The following ZSWIM4 variants were observed in gnomAD, a reference collection of about 807,000 sequenced individuals.
ZSWIM4 encodes the protein zinc finger SWIM domain-containing protein 4.
A neutral mutation model predicts 102.5 loss-of-function variants in ZSWIM4; 62 were observed. The observed-to-expected ratio is 0.60, with a 90% CI of 0.49 to 0.75. ZSWIM4 has a LOEUF of 0.75. Among genes scored for constraint, ZSWIM4 ranks in the 30% least tolerant of loss-of-function variants. ZSWIM4 has a pLI of 0.00. For synonymous variants in ZSWIM4, 652 were observed against 674.5 expected (o/e 0.97, Z 0.52); for missense variants, 1,280 against 1,529.6 (o/e 0.84, Z 2.72).
chr19:13,795,845 C>A, intron 1 of ZSWIM4, 44 bp downstream of exon 1: 1 of 1,159,524 alleles, frequency 8.6e-7, no homozygotes, highest in Non-Finnish European at 1.1e-6. Context: ...GCACCCCCAG[C>A]ACCTTCCCCA....
At chr19:13,817,112 C>T (rs1260526491) in intron 7 of ZSWIM4, 104 bp from the exon 8 acceptor site, 4 of 1,442,320 alleles carry the variant, frequency 2.8e-6, no homozygotes, top group Non-Finnish European at 3.7e-6. Context: ...AGGTGGTGGG[C>T]ATTATGGGGC....
chr19:13,812,265 C>T (rs2076002311), intron 5 of ZSWIM4, among the ~76,000 whole-genome samples: 1 of 151,852 alleles, frequency 6.6e-6, no homozygotes, highest in African/African-American at 2.4e-5. Context: ...AGTCTGGAGG[C>T]CTGGTTTTTT....
chr19:13,817,067 CA>C (rs111443176), intron 7 of ZSWIM4, 148 bp from the exon 8 acceptor site: 8,231 of 946,688 alleles, frequency 8.7e-3, no homozygotes, highest in South Asian at 0.014. Context: ...GACCCCACCT[CA>C]AAAAAAAAAG....
At position 13,829,296 on chromosome 19, in the gene ZSWIM4, CAAAA is replaced by C. The variant is rs555371562; in HGVS notation, c.2461+572_2461+575del. 5.4e-3 allele frequency among the ~76,000 whole-genome samples: 812 copies of C among 151,046 alleles called. 1 individual carries two copies. Among genetic ancestry groups the C allele is most frequent in the Non-Finnish European group, 8.1e-3 (547 of 67,662 alleles). On this transcript the variant is annotated intron_variant, in intron 13 of 13. Transcript: ENST00000590508. ...ACCCTGTCTCTAAAAAATTGTTTAA[CAAAA>C]AGAAAGAGGGCCAGGCGCAGTGGCT...
In ZSWIM4 at chr19:13,795,686, C is replaced by T. The variant is rs1974590342; in HGVS notation, c.38C>T (p.Pro13Leu). Residue 13 changes from proline (P) to leucine (L), a missense_variant, in exon 1 of 14, where the codon CCC becomes CTC. Coordinates refer to ENST00000590508, the MANE Select transcript of ZSWIM4 (RefSeq NM_001367834.3). Reference protein sequence around the residue: ...PPAAKRSRGCPAGPEERDAGA... With the variant: ...PPAAKRSRGCLAGPEERDAGA... Reference sequence around the variant, plus strand: ...GCGGCCAAGCGGAGCCGGGGCTGCCCCGCGGGACCCGAGGAGCGCGATGCC... The same window carrying T: ...GCGGCCAAGCGGAGCCGGGGCTGCCTCGCGGGACCCGAGGAGCGCGATGCC... The T allele has an allele frequency of 9.2e-7, 1 of 1,088,874 alleles. No individual in the cohort carries two copies. Among genetic ancestry groups the T allele is most frequent in the African/African-American group, 1.6e-5 (1 of 60,814 alleles). The allele number at this position is 1,088,874 out of a possible 1,614,324, so 67.5% of individuals were successfully genotyped here.
In ZSWIM4 at chr19:13,805,078, G is replaced by C. The variant is rs577485988; in HGVS notation, c.642G>C (p.Glu214Asp). The C allele has an allele frequency of 2.9e-5, 47 of 1,607,416 alleles. 1 individual carries two copies. The African/African-American group carries it at 4.7e-4, about 16-fold the overall frequency. ...ACCTCATCAGCGCCCATCACACTGA[G>C]GTGCTGCCCACTGCTCAGCGCTTGG... Reference protein sequence around the residue: ...VQYLISAHHTEVLPTAQRLAD... With the variant: ...VQYLISAHHTDVLPTAQRLAD... Residue 214 changes from glutamate to aspartate, a missense_variant, in exon 3 of 14, where the codon GAG becomes GAC. Coordinates refer to ENST00000590508, the MANE Select transcript of ZSWIM4 (RefSeq NM_001367834.3).
Position 13,819,488 on chromosome 19 carries a change from A to T in ZSWIM4, c.2056A>T (p.Met686Leu). The T allele has an allele frequency of 6.5e-7, 1 of 1,527,078 alleles. No individual in the cohort carries two copies. Among genetic ancestry groups the T allele is most frequent in the Non-Finnish European group, 8.9e-7 (1 of 1,129,154 alleles). 94.6% of individuals were successfully genotyped at this position (1,527,078 alleles called of 1,614,324 possible). The change falls in exon 10 of 14, where the codon ATG becomes TTG. Residue 686 changes from methionine to leucine, a missense_variant. Coordinates refer to ENST00000590508, the MANE Select transcript of ZSWIM4 (RefSeq NM_001367834.3). Reference sequence around the variant, plus strand: ...GGCCTATCGCCTCGCGCTGCGAGCTATGAGGTGAGGATAGGTGGCCAAGGC... The same window carrying T: ...GGCCTATCGCCTCGCGCTGCGAGCTTTGAGGTGAGGATAGGTGGCCAAGGC... ...DLAYRLALRA[M>L]RLPILETAFP...
intron 11 of ZSWIM4, among the ~76,000 whole-genome samples, chr19:13,824,641 A>G (rs1975556121): frequency 6.6e-6 from 1 of 152,012 alleles, no homozygotes. Flanking sequence ...CTGAGGCAGG[A>G]GAATCACTTG....
intron 7 of ZSWIM4, among the ~76,000 whole-genome samples, chr19:13,816,920 G>A (rs1975304522): frequency 6.6e-6 from 1 of 152,176 alleles, no homozygotes; most frequent in Non-Finnish European, 1.5e-5. Flanking sequence ...GGGTGTTTTA[G>A]AAAGCGTCCA....
chr19:13,810,018 G>A (rs1420605314), intron 5 of ZSWIM4, among the ~76,000 whole-genome samples: 1 of 148,944 alleles, frequency 6.7e-6, no homozygotes, highest in African/African-American at 2.5e-5. Context: ...AAGGAGTCTC[G>A]CTCTGTCATC....
At chr19:13,796,352 C>T (rs775009683) in intron 1 of ZSWIM4, among the ~76,000 whole-genome samples, 2 of 152,134 alleles carry the variant, frequency 1.3e-5, no homozygotes, top group Non-Finnish European at 2.9e-5. Context: ...ACTCACACTA[C>T]CCCATTCCTG....
rs755042429 is a variant in ZSWIM4 at position 13,795,812 on chromosome 19, G to T, written c.153+11G>T. The T allele has an allele frequency of 8.0e-7, 1 of 1,246,108 alleles. No individual in the cohort carries two copies. Among genetic ancestry groups the T allele is most frequent in the East Asian group, 3.0e-5 (1 of 33,336 alleles). The allele number at this position is 1,246,108 out of a possible 1,614,324, so 77.2% of individuals were successfully genotyped here. ...TGGGCCTTCGAGCAGGTGACCGCGG[G>T]GGAAGGGGGCGGGGGCAGGGACGCA... On this transcript the variant is annotated intron_variant, in intron 1 of 13. Coordinates refer to ENST00000590508, the MANE Select transcript of ZSWIM4 (RefSeq NM_001367834.3).
chr19:13,801,058 G>T (rs2594719), intron 2 of ZSWIM4, among the ~76,000 whole-genome samples: 4 of 151,650 alleles, frequency 2.6e-5, no homozygotes, highest in Non-Finnish European at 5.9e-5. Flanking sequence ...CAGGAGGATC[G>T]CTTTTGCCCG....
intron 3 of ZSWIM4, among the ~76,000 whole-genome samples, chr19:13,805,846 C>T (rs1210711273): frequency 6.6e-6 from 1 of 151,404 alleles, no homozygotes; most frequent in African/African-American, 2.4e-5. Flanking sequence ...TGGTGGGTGC[C>T]TGTAGTCCCA....
At position 13,804,010 on chromosome 19, in the gene ZSWIM4, C is replaced by T. The variant is rs550445963; in HGVS notation, c.356-782C>T. Among the ~76,000 whole-genome samples, 24 of 149,698 alleles carry T rather than the reference C, an allele frequency of 1.6e-4. 1 individual carries two copies. Among genetic ancestry groups the T allele is most frequent in the South Asian group, 1.1e-3 (5 of 4,648 alleles). On this transcript the variant is annotated intron_variant, in intron 2 of 13. Coordinates refer to ENST00000590508, the MANE Select transcript of ZSWIM4 (RefSeq NM_001367834.3). ...CTGAGTAGCTGGGATTACAGGCGCC[C>T]GCCACCATGCCCGGCTAATTTTTTT...
intron 10 of ZSWIM4, among the ~76,000 whole-genome samples, chr19:13,821,298 A>AT (rs1260053302): frequency 6.6e-6 from 1 of 151,170 alleles, no homozygotes; most frequent in Non-Finnish European, 1.5e-5. Context: ...AAAAAAAAAA[A>AT]GGCCAACTCA....
chr19:13,820,010 C>T (rs1012741207), intron 10 of ZSWIM4, among the ~76,000 whole-genome samples: 1 of 152,060 alleles, frequency 6.6e-6, no homozygotes, highest in Non-Finnish European at 1.5e-5. Flanking sequence ...CGCCCGCCAC[C>T]ACGCCCGGCT....
rs1209479599 is a variant in ZSWIM4, at chr19:13,809,405, C to T, written c.1012+185C>T. 2.0e-5 allele frequency among the ~76,000 whole-genome samples: 3 copies of T among 152,268 alleles called. No homozygotes were observed. Among genetic ancestry groups the T allele is most frequent in the African/African-American group, 7.2e-5 (3 of 41,472 alleles). ...GTGGTCCGGCAGAGAACAAGAGAGT[C>T]AAAATCCTGTTCACGTGGATCTGAC... On this transcript the variant is annotated intron_variant, in intron 5 of 13. Transcript: ENST00000590508. This position sits in a 1 kb window ranked among gnomAD's most constrained non-coding sequence, Gnocchi z 4.2.
intron 9 of ZSWIM4, among the ~76,000 whole-genome samples, chr19:13,818,729 G>A (rs531852976): frequency 1.0e-4 from 15 of 148,714 alleles, no homozygotes; most frequent in Admixed American, 2.0e-4. Context: ...ACACCCGGCT[G>A]ATTTTTGTAT....
Sources: gnomAD v4.1 joint callset for allele counts (sites outside exome capture counted in the v4.1 genomes callset) on GRCh38, gnomAD v4.1.1 for gene constraint, Gnocchi (gnomAD v3.1) non-coding constraint, MANE v1.5 for transcripts, NCBI Gene and HGNC (gene_info 2026-07-23, HGNC 2026-07-21) for gene names.